Variants in STPG2 observed in about 807,000 individuals in gnomAD.
STPG2 encodes the protein sperm tail PG-rich repeat containing 2, also known as sperm-tail PG-rich repeat-containing protein 2.
Under a neutral mutation model 54.2 loss-of-function variants are expected in STPG2, and 56 were observed. The ratio of observed to expected loss-of-function variants is 1.03; its 90% CI spans 0.83 to 1.29. The LOEUF (loss-of-function observed/expected upper bound fraction) is 1.29. Ranked by LOEUF, STPG2 falls within the 50% of genes most tolerant of loss-of-function variation. The probability of loss-of-function intolerance (pLI) is 0.00; values close to 1 mark genes in which losing one functional copy is unlikely to be tolerated. For synonymous variants in STPG2, 200 were observed against 181.8 expected, an observed-to-expected ratio of 1.10 and a Z score of -0.81; for missense variants, 596 against 544.9, an observed-to-expected ratio of 1.09 and a Z score of -0.93.
chr4:97,881,522 TA>T (rs1730375010), intron 8 of STPG2, among the ~76,000 whole-genome samples: 1 of 152,178 alleles, frequency 6.6e-6, no homozygotes, highest in African/African-American at 2.4e-5. Context: ...TCTCAGGGTT[TA>T]AAACATTCCT....
intron 10 of STPG2, among the ~76,000 whole-genome samples, chr4:97,677,811 G>A (rs901072091): frequency 7.9e-5 from 12 of 152,066 alleles, no homozygotes; most frequent in Non-Finnish European, 1.8e-4. Flanking sequence ...CTCCATATGA[G>A]CCTTAAGCTC....
At chr4:97,660,110 C>G (rs1722333508) in intron 10 of STPG2, among the ~76,000 whole-genome samples, 1 of 151,788 alleles carries the variant, frequency 6.6e-6, no homozygotes, top group Admixed American at 6.6e-5. Flanking sequence ...TCACACCATT[C>G]TCCTGCCTCA....
chr4:97,758,926 C>A (rs1725810432), intron 9 of STPG2, among the ~76,000 whole-genome samples: 1 of 151,606 alleles, frequency 6.6e-6, no homozygotes, highest in South Asian at 2.1e-4. Context: ...AGCAAGATGG[C>A]AGGAAGCTGG....
At chr4:97,991,389 G>GTA (rs1442119175) in intron 5 of STPG2, among the ~76,000 whole-genome samples, 3 of 148,976 alleles carry the variant, frequency 2.0e-5, no homozygotes, top group Non-Finnish European at 3.0e-5. Context: ...ATATATATGT[G>GTA]TATATATATG....
At chr4:97,483,939 A>C (rs1730288756) in intron 4 of STPG2, among the ~76,000 whole-genome samples, 1 of 151,880 alleles carries the variant, frequency 6.6e-6, no homozygotes, top group Admixed American at 6.6e-5. Context: ...AACCATGCAA[A>C]TACATGGCAA....
At position 97,559,135 on chromosome 4, in the gene STPG2, GA is replaced by G; in HGVS notation, c.1321-19del. On this transcript the variant is annotated intron_variant, in intron 10 of 10. Transcript: ENST00000295268. ...TGGGATATCTGTTTAATAAGAATGAGAAAAAAAGGAGGAAAACATCTACTTA... is the reference window on the plus strand; with the variant it reads ...TGGGATATCTGTTTAATAAGAATGAGAAAAAAGGAGGAAAACATCTACTTA... The G allele has an allele frequency of 4.0e-6, 6 of 1,493,780 alleles. No individual in the cohort carries two copies. The highest frequency in any genetic ancestry group is 2.7e-5 in the South Asian group (2 of 74,462). The allele number at this position is 1,493,780 out of a possible 1,614,324, so 92.5% of individuals were successfully genotyped here.
At chr4:97,905,725 G>A (rs1170556546) in intron 8 of STPG2, among the ~76,000 whole-genome samples, 1 of 152,036 alleles carries the variant, frequency 6.6e-6, no homozygotes, top group Non-Finnish European at 1.5e-5. Flanking sequence ...CACGTGCAGA[G>A]ACACACATAG....
chr4:97,507,459 C>T (rs1290795866), intron 4 of STPG2, among the ~76,000 whole-genome samples: 1 of 152,052 alleles, frequency 6.6e-6, no homozygotes, highest in Admixed American at 6.6e-5. Context: ...AGTAACTACT[C>T]CACTTCAGTT....
At chr4:97,664,674 T>A (rs983540631) in intron 10 of STPG2, among the ~76,000 whole-genome samples, 1 of 146,826 alleles carries the variant, frequency 6.8e-6, no homozygotes, top group South Asian at 2.1e-4. Flanking sequence ...TGTATGTTTC[T>A]GATAAGAAGC....
chr4:97,918,994 A>C (rs1272794048), intron 8 of STPG2, among the ~76,000 whole-genome samples: 1 of 152,246 alleles, frequency 6.6e-6, no homozygotes, highest in Non-Finnish European at 1.5e-5. Context: ...GCAAGGTTTA[A>C]TAGATTGAAA....
intron 6 of STPG2, among the ~76,000 whole-genome samples, chr4:97,980,186 C>T (rs1734627607): frequency 6.6e-6 from 1 of 151,984 alleles, no homozygotes; most frequent in African/African-American, 2.4e-5. Flanking sequence ...GAGATCATGC[C>T]TCAAAAATTT....
chr4:98,110,178 C>A (rs1444532809), intron 3 of STPG2, among the ~76,000 whole-genome samples: 1 of 151,412 alleles, frequency 6.6e-6, no homozygotes, highest in Non-Finnish European at 1.5e-5. Context: ...AAGAGAGAGC[C>A]CCCCCAGCCA....
At chr4:97,842,025 T>G (rs1728815829) in intron 8 of STPG2, among the ~76,000 whole-genome samples, 1 of 151,830 alleles carries the variant, frequency 6.6e-6, no homozygotes, top group Non-Finnish European at 1.5e-5. Flanking sequence ...CAAACAAATT[T>G]GGATGCTGAG....
At chr4:98,117,472 G>C (rs1036970125) in intron 3 of STPG2, among the ~76,000 whole-genome samples, 2 of 151,648 alleles carry the variant, frequency 1.3e-5, no homozygotes, top group African/African-American at 2.4e-5. Flanking sequence ...ATCAAATTTG[G>C]GATGTTTTCA....
chr4:98,017,331 G>C (rs553662595), intron 5 of STPG2, among the ~76,000 whole-genome samples: 1 of 152,324 alleles, frequency 6.6e-6, no homozygotes, highest in East Asian at 1.9e-4. Context: ...CACTGATGTT[G>C]GCCTGAAGCC....
intron 4 of STPG2, among the ~76,000 whole-genome samples, chr4:98,106,761 A>G (rs1191126785): frequency 6.6e-6 from 1 of 152,186 alleles, no homozygotes; most frequent in Non-Finnish European, 1.5e-5. Flanking sequence ...AGTAGACAAT[A>G]TATGTAAGGT....
At chr4:97,893,502 G>T (rs1730846209) in intron 8 of STPG2, among the ~76,000 whole-genome samples, 1 of 152,004 alleles carries the variant, frequency 6.6e-6, no homozygotes, top group Admixed American at 6.6e-5. Flanking sequence ...GAAGTTGTAA[G>T]GGATTTAAGC....
intron 4 of STPG2, among the ~76,000 whole-genome samples, chr4:97,536,248 G>C (rs1321162436): frequency 6.6e-6 from 1 of 152,160 alleles, no homozygotes; most frequent in Non-Finnish European, 1.5e-5. Context: ...GGGTGAAATG[G>C]TTTGGCTCTG....
intron 8 of STPG2, among the ~76,000 whole-genome samples, chr4:97,908,070 A>C (rs1035683902): frequency 2.0e-5 from 3 of 151,870 alleles, no homozygotes; most frequent in African/African-American, 7.2e-5. Flanking sequence ...CTACCATCAG[A>C]GTGAACAGGC....
Sources: allele counts gnomAD v4.1 joint callset (sites outside exome capture counted in the v4.1 genomes callset), GRCh38; gene constraint gnomAD v4.1.1; transcripts MANE v1.5; gene names NCBI Gene and HGNC (gene_info 2026-07-23, HGNC 2026-07-21).